WIPF1: variants seen among roughly 807,000 people sequenced by gnomAD.
The protein encoded by WIPF1 is WAS/WASL-interacting protein family member 1.
Under a neutral mutation model 35.4 loss-of-function variants are expected in WIPF1, and 13 were observed. That is an observed-to-expected ratio of 0.37 (90% confidence interval 0.24 to 0.58). The LOEUF (loss-of-function observed/expected upper bound fraction) is 0.58, where lower values mean the gene tolerates loss of function less well. Ranked by LOEUF, WIPF1 falls within the 20% of genes least tolerant of loss-of-function variation. The pLI is 0.74. For missense variants in WIPF1, 591 were observed against 667.0 expected, an observed-to-expected ratio of 0.89 and a Z score of 1.25; for synonymous variants, 267 against 266.3, an observed-to-expected ratio of 1.00 and a Z score of -0.02.
intron 3 of WIPF1, 49 bp from the exon 4 acceptor site, chr2:174,575,429 G>C (rs1228329907): frequency 6.5e-7 from 1 of 1,538,410 alleles, no homozygotes; most frequent in East Asian, 2.3e-5. Context: ...GTCTGGCCCA[G>C]GTAAACCATA....
chr2:174,623,700 C>T (rs1266430189), intron 1 of WIPF1, among the ~76,000 whole-genome samples: 3 of 152,218 alleles, frequency 2.0e-5, no homozygotes, highest in Non-Finnish European at 2.9e-5. Context: ...CACTGTGACA[C>T]CATCACCAAT....
At chr2:174,573,342 C>T (rs1047012806) in intron 4 of WIPF1, among the ~76,000 whole-genome samples, 6 of 151,516 alleles carry the variant, frequency 4.0e-5, no homozygotes, top group African/African-American at 1.2e-4. Flanking sequence ...ACTTGCTATG[C>T]GCCTGCCATT....
chr2:174,624,492 T>C (rs981716205), intron 1 of WIPF1, among the ~76,000 whole-genome samples: 15 of 152,160 alleles, frequency 9.9e-5, no homozygotes, highest in Admixed American at 9.8e-4. Context: ...GACACAATTA[T>C]AGGTTTCAAT....
At chr2:174,669,179 G>A (rs938190154) in intron 1 of WIPF1, among the ~76,000 whole-genome samples, 2 of 152,214 alleles carry the variant, frequency 1.3e-5, no homozygotes, top group Admixed American at 6.5e-5. Flanking sequence ...AAGTACTGCT[G>A]AGTGGTACCC....
intron 1 of WIPF1, among the ~76,000 whole-genome samples, chr2:174,610,962 C>T (rs372747194): frequency 6.6e-6 from 1 of 152,326 alleles, no homozygotes; most frequent in East Asian, 1.9e-4. Context: ...AGATGACTTT[C>T]TAGAAATAGA....
intron 1 of WIPF1, among the ~76,000 whole-genome samples, chr2:174,629,222 C>G (rs1020485124): frequency 3.9e-5 from 6 of 152,266 alleles, no homozygotes; most frequent in Admixed American, 6.5e-5. Context: ...TAGTGAGTCT[C>G]TCTCTATCAA....
intron 1 of WIPF1, among the ~76,000 whole-genome samples, chr2:174,640,439 C>A (rs964116527): frequency 6.8e-6 from 1 of 147,412 alleles, no homozygotes; most frequent in Non-Finnish European, 1.5e-5. Context: ...GCATGGCACA[C>A]GTATACATAT....
chr2:174,611,123 A>G (rs6745914), intron 1 of WIPF1, among the ~76,000 whole-genome samples: 46,072 of 152,032 alleles, frequency 0.3, 7,274 homozygotes, highest in Middle Eastern at 0.41. Context: ...TAAACAGACA[A>G]AATTGTCCAC....
At chr2:174,595,103 AAAAAAAATATAT>A (rs1293419499) in intron 1 of WIPF1, among the ~76,000 whole-genome samples, 2 of 41,284 alleles carry the variant, frequency 4.8e-5, no homozygotes, top group Non-Finnish European at 9.2e-5. Flanking sequence ...AAAAAAAAAA[AAAAAAAATATAT>A]ATATATATAT....
intron 1 of WIPF1, among the ~76,000 whole-genome samples, chr2:174,604,720 T>C (rs989557609): frequency 6.6e-6 from 1 of 152,196 alleles, no homozygotes; most frequent in African/African-American, 2.4e-5. Context: ...TCTGTGATTG[T>C]GATTTTGGGG....
intron 1 of WIPF1, among the ~76,000 whole-genome samples, chr2:174,664,129 C>CCT (rs1442553342): frequency 1.5e-4 from 22 of 149,222 alleles, no homozygotes; most frequent in African/African-American, 4.9e-4. Context: ...TCCCTCTGTC[C>CCT]CTCTCTCTCA....
At chr2:174,606,561 C>G (rs1217414786) in intron 1 of WIPF1, among the ~76,000 whole-genome samples, 2 of 152,198 alleles carry the variant, frequency 1.3e-5, no homozygotes, top group African/African-American at 4.8e-5. Context: ...GCCTGAATGA[C>G]ACTTAACAGA....
chr2:174,638,583 T>A lies in WIPF1; in HGVS notation c.-39+44191A>T, dbSNP rs75737559. Among the ~76,000 whole-genome samples, 795 of 152,196 alleles carry A rather than the reference T, an allele frequency of 5.2e-3. 7 individuals carry two copies. Among genetic ancestry groups the A allele is most frequent in the Middle Eastern group, 0.017 (5 of 294 alleles). ...AATCTCTAGTAACCATCTGTTCTAT[T>A]CTCTGCTTCTATGATATCAACCTTT... On this transcript the variant is annotated intron_variant, in intron 1 of 8. Coordinates refer to the WIPF1 transcript ENST00000272746.
intron 1 of WIPF1, among the ~76,000 whole-genome samples, chr2:174,593,222 C>A (rs1447953463): frequency 6.6e-6 from 1 of 152,020 alleles, no homozygotes; most frequent in Non-Finnish European, 1.5e-5. Flanking sequence ...ATGTACATCT[C>A]TCTCTCTCTC....
At chr2:174,640,896 A>G (rs1234237826) in intron 1 of WIPF1, among the ~76,000 whole-genome samples, 1 of 152,240 alleles carries the variant, frequency 6.6e-6, no homozygotes, top group Non-Finnish European at 1.5e-5. Flanking sequence ...TCACAGAAAC[A>G]GAAACAAATC....
At chr2:174,625,020 C>T (rs2105921558) in intron 1 of WIPF1, among the ~76,000 whole-genome samples, 1 of 152,294 alleles carries the variant, frequency 6.6e-6, no homozygotes, top group Non-Finnish European at 1.5e-5. Flanking sequence ...AGGTCCTGGA[C>T]CACTTCCAAG....
chr2:174,637,632 A>G (rs1687210368), intron 1 of WIPF1, among the ~76,000 whole-genome samples: 1 of 152,122 alleles, frequency 6.6e-6, no homozygotes, highest in Non-Finnish European at 1.5e-5. Context: ...CTAAAAATAC[A>G]AAAAATGAGC....
At chr2:174,677,890 G>C (rs906217612) in intron 1 of WIPF1, among the ~76,000 whole-genome samples, 1 of 152,148 alleles carries the variant, frequency 6.6e-6, no homozygotes, top group African/African-American at 2.4e-5. Context: ...AAAGGTTAAA[G>C]GTGCGATGCT....
At chr2:174,601,498 A>G (rs1343401296), upstream of WIPF1, among the ~76,000 whole-genome samples, 2 of 150,810 alleles carry the variant, frequency 1.3e-5, no homozygotes, top group Non-Finnish European at 2.9e-5. Flanking sequence ...GAAGGGGGGG[A>G]AATAAAAAGA....
Sources: allele counts gnomAD v4.1 joint callset (sites outside exome capture counted in the v4.1 genomes callset), GRCh38; gene constraint gnomAD v4.1.1; transcripts MANE v1.5; gene names NCBI Gene and HGNC (gene_info 2026-07-23, HGNC 2026-07-21).